TCF12: variants seen among roughly 807,000 people sequenced by gnomAD.
TCF12 encodes the protein transcription factor 12, also known as DNA-binding protein HTF4.
TCF12 carries 45 observed loss-of-function variants against 86.0 expected under a neutral mutation model. That is an observed-to-expected ratio of 0.52 (90% CI 0.41 to 0.67). The LOEUF (loss-of-function observed/expected upper bound fraction) is 0.67. Ranked by LOEUF, TCF12 falls within the 30% of genes least tolerant of loss-of-function variation. The pLI, the probability that TCF12 is intolerant of heterozygous loss-of-function variation, is 0.00. For missense variants in TCF12, 881 were observed against 859.9 expected (o/e 1.02, Z -0.31); for synonymous variants, 330 against 299.6 (o/e 1.10, Z -1.05).
intron 8 of TCF12, among the ~76,000 whole-genome samples, chr15:57,222,545 T>C (rs1233042333): frequency 6.6e-6 from 1 of 151,860 alleles, no homozygotes; most frequent in East Asian, 1.9e-4. Context: ...TTATAGTAAG[T>C]ATGAAAACTA....
chr15:57,055,808 T>C (rs1466886785), intron 3 of TCF12, among the ~76,000 whole-genome samples: 1 of 152,172 alleles, frequency 6.6e-6, no homozygotes, highest in African/African-American at 2.4e-5. Context: ...TTTCACTGAG[T>C]ACAGTCTTTA....
At chr15:57,148,603 C>A (rs2053531925) in intron 5 of TCF12, among the ~76,000 whole-genome samples, 2 of 150,570 alleles carry the variant, frequency 1.3e-5, no homozygotes, top group African/African-American at 4.9e-5. Flanking sequence ...CTCAAATGGC[C>A]AGGCACAGTG....
intron 3 of TCF12, among the ~76,000 whole-genome samples, chr15:56,988,471 G>A (rs2063299874): frequency 6.6e-6 from 1 of 152,134 alleles, no homozygotes; most frequent in African/African-American, 2.4e-5. Context: ...GTAGTCTGTT[G>A]TTGACCCAAA....
intron 5 of TCF12, among the ~76,000 whole-genome samples, chr15:57,154,275 G>C (rs569156088): frequency 2.0e-5 from 3 of 152,106 alleles, no homozygotes; most frequent in Non-Finnish European, 4.4e-5. Flanking sequence ...CTTAACATCT[G>C]TTTACACACT....
At chr15:57,252,636 A>G in intron 15 of TCF12, 144 bp downstream of exon 15, 1 of 662,104 alleles carries the variant, frequency 1.5e-6, no homozygotes, top group South Asian at 2.1e-5. Context: ...AGTATATAGG[A>G]ATAATTTTGT....
chr15:57,151,397 G>T (rs2053748573), intron 5 of TCF12, among the ~76,000 whole-genome samples: 1 of 151,940 alleles, frequency 6.6e-6, no homozygotes, highest in South Asian at 2.1e-4. Context: ...GAATTTGTAG[G>T]CATAGAAACA....
chr15:57,105,784 T>G (rs1310938357), intron 5 of TCF12, among the ~76,000 whole-genome samples: 1 of 152,208 alleles, frequency 6.6e-6, no homozygotes, highest in Non-Finnish European at 1.5e-5. Flanking sequence ...TAGAGTCTTA[T>G]TTTTCTCACT....
intron 3 of TCF12, among the ~76,000 whole-genome samples, chr15:57,005,455 T>C (rs898873789): frequency 4.3e-4 from 65 of 152,324 alleles, no homozygotes; most frequent in African/African-American, 1.5e-3. Context: ...CCTTCAACTG[T>C]CTCCCATAGA....
At chr15:56,926,486 A>G (rs572712304) in intron 3 of TCF12, among the ~76,000 whole-genome samples, 1 of 152,344 alleles carries the variant, frequency 6.6e-6, no homozygotes, top group South Asian at 2.1e-4. Flanking sequence ...AAACTCAAAA[A>G]TGTTGAGTTT....
chr15:57,182,512 C>G (rs1376175769), intron 6 of TCF12, among the ~76,000 whole-genome samples: 1 of 151,910 alleles, frequency 6.6e-6, no homozygotes, highest in Non-Finnish European at 1.5e-5. Context: ...AAAATATGGT[C>G]TTGTATTCTT....
intron 3 of TCF12, among the ~76,000 whole-genome samples, chr15:56,996,985 A>G (rs1412006118): frequency 6.6e-6 from 1 of 152,200 alleles, no homozygotes; most frequent in Non-Finnish European, 1.5e-5. Context: ...GATGCTGGCA[A>G]TGCTATGGAA....
In TCF12 at chr15:57,026,996, G is replaced by A. The variant is rs548759855; in HGVS notation, c.149-36754G>A. 1.1e-3 allele frequency among the ~76,000 whole-genome samples: 172 copies of A among 151,780 alleles called. 1 individual carries two copies. Among genetic ancestry groups the A allele is most frequent in the African/African-American group, 4.0e-3 (164 of 41,404 alleles). ...TATTATTTTTTATTTTATTTGTATT[G>A]GTTTTTATTTTGTTGTATTTTTTTT... On this transcript the variant is annotated intron_variant, in intron 3 of 20. Transcript: ENST00000333725.
At chr15:57,037,258 G>A (rs2066560438) in intron 3 of TCF12, among the ~76,000 whole-genome samples, 1 of 152,092 alleles carries the variant, frequency 6.6e-6, no homozygotes, top group Non-Finnish European at 1.5e-5. Flanking sequence ...AGATTAGCCT[G>A]GACAACATGG....
intron 3 of TCF12, among the ~76,000 whole-genome samples, chr15:57,039,850 C>A (rs983929809): frequency 6.6e-6 from 1 of 152,142 alleles, no homozygotes; most frequent in East Asian, 1.9e-4. Flanking sequence ...CAGTAACTAC[C>A]ACTTAGGTGC....
intron 4 of TCF12, among the ~76,000 whole-genome samples, chr15:57,081,053 GT>G (rs1283655649): frequency 6.6e-6 from 1 of 152,180 alleles, no homozygotes; most frequent in African/African-American, 2.4e-5. Flanking sequence ...CTTCATGAGA[GT>G]CCCCCAGTCC....
chr15:56,931,689 T>TA (rs1386259668), intron 3 of TCF12, among the ~76,000 whole-genome samples: 2 of 152,206 alleles, frequency 1.3e-5, no homozygotes, highest in Non-Finnish European at 2.9e-5. Context: ...ACAGGCATCT[T>TA]AATTAAAAAC....
rs537452832 is a variant in TCF12 at position 56,934,728 on chromosome 15, G to A, written c.148+13630G>A. On this transcript the variant is annotated intron_variant, in intron 3 of 20. Coordinates refer to ENST00000333725, the MANE Select transcript of TCF12 (RefSeq NM_207037.2). ...AGTTTTTACATTATTTTGAAGAAGG[G>A]AATTGACAAATCCAAAGTAAGGAGA... is the stretch of plus-strand genomic sequence containing the variant. Among the ~76,000 whole-genome samples, 6 of 152,242 alleles carry A rather than the reference G, an allele frequency of 3.9e-5. No individual in the cohort carries two copies. In the South Asian group the frequency reaches 1.0e-3, roughly 26 times the overall value.
intron 20 of TCF12, among the ~76,000 whole-genome samples, chr15:57,285,712 G>A (rs2061904600): frequency 1.3e-5 from 2 of 152,176 alleles, no homozygotes; most frequent in African/African-American, 4.8e-5. Context: ...CATCATTGCG[G>A]CAGCTGTTTT....
At chr15:56,971,473 A>G (rs2062318968) in intron 3 of TCF12, among the ~76,000 whole-genome samples, 1 of 152,116 alleles carries the variant, frequency 6.6e-6, no homozygotes, top group Admixed American at 6.5e-5. Context: ...AAGACACCCA[A>G]CAGAAAAATA....
Sources: allele counts gnomAD v4.1 joint callset (sites outside exome capture counted in the v4.1 genomes callset), GRCh38; gene constraint gnomAD v4.1.1; transcripts MANE v1.5; gene names NCBI Gene and HGNC (gene_info 2026-07-23, HGNC 2026-07-21).